SRGAP1: variants seen among roughly 807,000 people sequenced by gnomAD.
The protein encoded by SRGAP1 is SLIT-ROBO Rho GTPase activating protein 1, also known as SLIT-ROBO Rho GTPase-activating protein 1.
A neutral mutation model predicts 121.9 loss-of-function variants in SRGAP1; 43 were observed. The observed-to-expected ratio is 0.35, with a 90% CI of 0.28 to 0.46. The LOEUF (loss-of-function observed/expected upper bound fraction) is 0.46, where lower values mean the gene tolerates loss of function less well. Among genes scored for constraint, SRGAP1 ranks in the 20% least tolerant of loss-of-function variants. The pLI is 1.00. For missense variants in SRGAP1, 1,102 were observed against 1,350.9 expected, an observed-to-expected ratio of 0.82 and a Z score of 2.89; for synonymous variants, 447 against 485.4, an observed-to-expected ratio of 0.92 and a Z score of 1.04.
At chr12:63,972,809 GT>G (rs2032993991) in intron 1 of SRGAP1, among the ~76,000 whole-genome samples, 1 of 152,076 alleles carries the variant, frequency 6.6e-6, no homozygotes, top group African/African-American at 2.4e-5. Flanking sequence ...CATTTAGCTA[GT>G]TTTTTTAAAA....
intron 1 of SRGAP1, among the ~76,000 whole-genome samples, chr12:63,850,709 C>T (rs1439938267): frequency 1.3e-5 from 2 of 151,844 alleles, no homozygotes; most frequent in African/African-American, 4.8e-5. Flanking sequence ...TGGCATGAGC[C>T]ACCATGCCCG....
rs201673602 is a variant in SRGAP1 at position 64,126,137 on chromosome 12, G to A, written c.2385G>A (p.Gln795=). 3 of 1,614,060 alleles carry A rather than the reference G, an allele frequency of 1.9e-6. No individual in the cohort carries two copies. Among genetic ancestry groups the A allele is most frequent in the East Asian group, 4.5e-5 (2 of 44,886 alleles). The change falls in exon 19 of 22, where the codon CAG becomes CAA. Residue 795 remains glutamine, a synonymous_variant. Coordinates refer to ENST00000355086, the MANE Select transcript of SRGAP1 (RefSeq NM_020762.4). Reference sequence around the variant, plus strand: ...GGATTGACGGGCTGGTGCCTCACCAGTATATAGTGGTGCAGGATATGTGAG... The same window carrying A: ...GGATTGACGGGCTGGTGCCTCACCAATATATAGTGGTGCAGGATATGTGAG... ...HNGIDGLVPH[Q]YIVVQDMDDT... is the part of the protein sequence containing the mutation.
At chr12:63,925,658 G>A (rs1006624706) in intron 1 of SRGAP1, among the ~76,000 whole-genome samples, 2 of 152,144 alleles carry the variant, frequency 1.3e-5, no homozygotes, top group Admixed American at 6.5e-5. Context: ...ATAAAGCAAA[G>A]GAGGACAAAA....
chr12:63,896,003 C>T (rs1900742996), intron 1 of SRGAP1, among the ~76,000 whole-genome samples: 1 of 152,164 alleles, frequency 6.6e-6, no homozygotes, highest in Non-Finnish European at 1.5e-5. Context: ...TCTTATAAGA[C>T]TCAATGTGCT....
chr12:63,919,694 TTTTC>T (rs771278466), intron 1 of SRGAP1, among the ~76,000 whole-genome samples: 14 of 151,732 alleles, frequency 9.2e-5, no homozygotes, highest in East Asian at 1.9e-4. Context: ...TTCCTAATTT[TTTTC>T]TTTCTCTTGC....
intron 1 of SRGAP1, among the ~76,000 whole-genome samples, chr12:63,908,417 T>C (rs1473677873): frequency 6.6e-6 from 1 of 152,216 alleles, no homozygotes. Context: ...AGTGTGTAAG[T>C]GTAAAGCTTT....
rs538797462 is a variant in SRGAP1, at chr12:64,016,307, C to T, written c.427-643C>T. Reference sequence around the variant, plus strand: ...TAAAAACTAGTTGAGCTTGGTTGCACGCCACCCTGTCTCTACAAAAAATAT... The same window carrying T: ...TAAAAACTAGTTGAGCTTGGTTGCATGCCACCCTGTCTCTACAAAAAATAT... On this transcript the variant is annotated intron_variant, in intron 3 of 21. Coordinates refer to ENST00000355086, the MANE Select transcript of SRGAP1 (RefSeq NM_020762.4). Among the ~76,000 whole-genome samples the T allele has an allele frequency of 2.4e-3, 361 of 152,066 alleles. 1 individual carries two copies. The highest frequency in any genetic ancestry group is 4.1e-3 in the Non-Finnish European group (280 of 67,994).
At chr12:64,099,274 A>G (rs2136597691) in intron 15 of SRGAP1, among the ~76,000 whole-genome samples, 1 of 152,304 alleles carries the variant, frequency 6.6e-6, no homozygotes, top group African/African-American at 2.4e-5. Context: ...GTGAGTTAAT[A>G]TGTGTAAAAT....
At chr12:64,030,317 G>A (rs920418805) in intron 4 of SRGAP1, among the ~76,000 whole-genome samples, 1 of 152,196 alleles carries the variant, frequency 6.6e-6, no homozygotes, top group African/African-American at 2.4e-5. Context: ...GTTCCTTAGA[G>A]ATAAACAAAA....
In SRGAP1 at chr12:64,156,254, T is replaced by A. The variant is rs767349956; in HGVS notation, c.*13582T>A. 2.6e-5 allele frequency: 4 copies of A among 152,252 alleles called. No individual in the cohort carries two copies. Among genetic ancestry groups the A allele is most frequent in the Non-Finnish European group, 5.9e-5 (4 of 68,048 alleles). 9.4% of individuals were successfully genotyped at this position (152,252 alleles called of 1,614,324 possible). A position where few individuals can be genotyped will look rare whatever the true frequency, so the allele number is the denominator to read the frequency against. The stretch of plus-strand genomic sequence containing the variant: ...TTCATCAGAATTTATTGAATCCTGA[T>A]TATTTTTTCCTTAATGTTGATTTTG... On this transcript the variant is annotated 3_prime_UTR_variant, in exon 22 of 22. Coordinates refer to ENST00000355086, the MANE Select transcript of SRGAP1 (RefSeq NM_020762.4).
At chr12:63,873,973 A>C (rs1310305865) in intron 1 of SRGAP1, among the ~76,000 whole-genome samples, 1 of 151,610 alleles carries the variant, frequency 6.6e-6, no homozygotes, top group African/African-American at 2.4e-5. Context: ...TGGAGGTTGC[A>C]GTGAACTGAG....
intron 1 of SRGAP1, among the ~76,000 whole-genome samples, chr12:63,887,166 G>A (rs1388167567): frequency 3.3e-5 from 5 of 152,204 alleles, no homozygotes; most frequent in Non-Finnish European, 1.5e-5. Context: ...GAGCCACCGT[G>A]CCTGGCCAGA....
chr12:63,917,279 C>A (rs147336442), intron 1 of SRGAP1, among the ~76,000 whole-genome samples: 1 of 152,032 alleles, frequency 6.6e-6, no homozygotes, highest in Non-Finnish European at 1.5e-5. Flanking sequence ...TCTCCTGAGT[C>A]GTCGGAACCC....
intron 6 of SRGAP1, among the ~76,000 whole-genome samples, chr12:64,057,381 C>T (rs903700442): frequency 6.6e-6 from 1 of 152,138 alleles, no homozygotes; most frequent in Non-Finnish European, 1.5e-5. Flanking sequence ...GAAGTTTAGA[C>T]ATCTGGTTCA....
intron 1 of SRGAP1, among the ~76,000 whole-genome samples, chr12:63,866,665 TAATC>T (rs1471561041): frequency 3.9e-5 from 6 of 151,980 alleles, no homozygotes; most frequent in Non-Finnish European, 8.8e-5. Flanking sequence ...TTATAATAGT[TAATC>T]TATTTATTTA....
Position 64,103,093 on chromosome 12 carries a change from C to A in SRGAP1, c.1813+5718C>A, listed in dbSNP as rs189522040. ...CTCCTAGGCTAAAGTGATCCTCCCC[C>A]CTCAGCCTCCCAAGTAGCTGGGACC... On this transcript the variant is annotated intron_variant, in intron 15 of 21. Transcript: ENST00000355086. Among the ~76,000 whole-genome samples, 1,062 of 152,256 alleles carry A rather than the reference C, an allele frequency of 7.0e-3. 18 individuals carry two copies. The highest frequency in any genetic ancestry group is 0.024 in the African/African-American group (990 of 41,534).
rs2037088070 is a variant in SRGAP1 at position 64,148,735 on chromosome 12, T to C, written c.*6063T>C. 2.0e-5 allele frequency: 3 copies of C among 152,128 alleles called. No homozygotes were observed. Among genetic ancestry groups the C allele is most frequent in the Admixed American group, 2.0e-4 (3 of 15,276 alleles). 9.4% of individuals were successfully genotyped at this position (152,128 alleles called of 1,614,324 possible). A position where few individuals can be genotyped will look rare whatever the true frequency, so the allele number is the denominator to read the frequency against. Reference sequence around the variant, plus strand: ...ACAGGCAAATCAAGGAAAAACACTTTTTATTAAAGTGCAGAATACTAACAA... The same window carrying C: ...ACAGGCAAATCAAGGAAAAACACTTCTTATTAAAGTGCAGAATACTAACAA... On this transcript the variant is annotated 3_prime_UTR_variant, in exon 22 of 22. Coordinates refer to ENST00000355086, the MANE Select transcript of SRGAP1 (RefSeq NM_020762.4).
intron 15 of SRGAP1, among the ~76,000 whole-genome samples, chr12:64,100,147 C>T (rs1229350278): frequency 6.6e-6 from 1 of 152,200 alleles, no homozygotes; most frequent in Non-Finnish European, 1.5e-5. Flanking sequence ...GTCATCATTA[C>T]TACTATTACA....
chr12:63,895,365 C>T (rs1863160529), intron 1 of SRGAP1, among the ~76,000 whole-genome samples: 1 of 152,156 alleles, frequency 6.6e-6, no homozygotes, highest in African/African-American at 2.4e-5. Context: ...CCGTCCAATA[C>T]AGTAGTAACT....
Sources: allele counts gnomAD v4.1 joint callset (sites outside exome capture counted in the v4.1 genomes callset), GRCh38; gene constraint gnomAD v4.1.1; transcripts MANE v1.5; gene names NCBI Gene and HGNC (gene_info 2026-07-23, HGNC 2026-07-21).